The following CSMD1 variants were observed in gnomAD, a reference collection of about 807,000 sequenced individuals.
CSMD1 encodes the protein CUB and sushi domain-containing protein 1.
A neutral mutation model predicts 417.5 loss-of-function variants in CSMD1; 213 were observed. The observed-to-expected ratio is 0.51, with a 90% CI of 0.46 to 0.57. The LOEUF is 0.57. CSMD1 is among the 20% of genes least tolerant of loss of function. The probability of loss-of-function intolerance (pLI) is 0.00; values close to 1 mark genes in which losing one functional copy is unlikely to be tolerated. For synonymous variants in CSMD1, 2,862 were observed against 1,736.8 expected, an observed-to-expected ratio of 1.65 and a Z score of -16.11; for missense variants, 6,923 against 4,529.7, an observed-to-expected ratio of 1.53 and a Z score of -15.17.
chr8:4,358,726 A>C (rs56191260), intron 3 of CSMD1, among the ~76,000 whole-genome samples: 3,751 of 152,284 alleles, frequency 0.025, 82 homozygotes, highest in South Asian at 0.081. Context: ...TCATTAAAAT[A>C]TCTCTCAAGA....
intron 1 of CSMD1, among the ~76,000 whole-genome samples, chr8:4,962,959 G>A (rs910592168): frequency 4.6e-5 from 7 of 152,090 alleles, no homozygotes; most frequent in African/African-American, 7.2e-5. Context: ...ATGGGTTGGC[G>A]CTGGGAAAAG....
intron 5 of CSMD1, among the ~76,000 whole-genome samples, chr8:3,788,035 T>C (rs770664030): frequency 6.6e-5 from 10 of 152,190 alleles, no homozygotes; most frequent in Non-Finnish European, 1.5e-4. Context: ...GCTAGAGTCT[T>C]AACCTCACAC....
chr8:4,695,263 A>G (rs937804596), intron 1 of CSMD1, among the ~76,000 whole-genome samples: 8 of 152,164 alleles, frequency 5.3e-5, no homozygotes, highest in Non-Finnish European at 1.0e-4. Flanking sequence ...AGTTCTACCA[A>G]AACCTCTCTC....
intron 3 of CSMD1, among the ~76,000 whole-genome samples, chr8:4,212,968 C>G (rs1800411412): frequency 6.6e-6 from 1 of 151,980 alleles, no homozygotes; most frequent in Non-Finnish European, 1.5e-5. Flanking sequence ...AGACCTAACA[C>G]CTAGCGTTGG....
intron 3 of CSMD1, among the ~76,000 whole-genome samples, chr8:4,311,918 T>C (rs948507171): frequency 3.3e-5 from 5 of 151,960 alleles, no homozygotes; most frequent in African/African-American, 1.2e-4. Flanking sequence ...ATGACACTTA[T>C]TTACCTGTGT....
At chr8:3,662,461 C>T (rs560890145) in intron 7 of CSMD1, among the ~76,000 whole-genome samples, 2 of 152,250 alleles carry the variant, frequency 1.3e-5, no homozygotes, top group East Asian at 1.9e-4. Context: ...TGGGTTGGTT[C>T]CAAGTCTTGG....
chr8:3,343,166 T>A (rs77642601), intron 23 of CSMD1, 128 bp downstream of exon 23: 4 of 719,258 alleles, frequency 5.6e-6, no homozygotes, highest in East Asian at 5.5e-5. Context: ...GAGTACAGAA[T>A]TAAACTGCAA....
intron 26 of CSMD1, among the ~76,000 whole-genome samples, chr8:3,248,445 T>G (rs951286066): frequency 6.6e-6 from 1 of 150,774 alleles, no homozygotes; most frequent in Non-Finnish European, 1.5e-5. Flanking sequence ...TGGCTGGAAG[T>G]GTGAGACAGA....
chr8:2,963,851 T>C lies in CSMD1; in HGVS notation c.9281-456A>G, dbSNP rs149747841. ...GTTTCCAAAAGACACAGTCGGTCCA[T>C]CTATTTACTGAATATATTTTTTTAG... On this transcript the variant is annotated intron_variant, in intron 59 of 69. Coordinates refer to ENST00000635120, the MANE Select transcript of CSMD1 (RefSeq NM_033225.6). 7.8e-3 allele frequency among the ~76,000 whole-genome samples: 1,182 copies of C among 152,300 alleles called. 11 individuals are homozygous for C. The highest frequency in any genetic ancestry group is 0.027 in the African/African-American group (1,119 of 41,560).
At chr8:3,059,831 A>T (rs1812473774) in intron 49 of CSMD1, among the ~76,000 whole-genome samples, 1 of 152,068 alleles carries the variant, frequency 6.6e-6, no homozygotes, top group Admixed American at 6.6e-5. Flanking sequence ...AGCAAGAGAG[A>T]GAAGTGATTC....
chr8:4,120,734 T>A (rs542550182), intron 3 of CSMD1, among the ~76,000 whole-genome samples: 3 of 152,312 alleles, frequency 2.0e-5, no homozygotes, highest in African/African-American at 7.2e-5. Flanking sequence ...GCAGAGAATG[T>A]CAGGCTCAGA....
chr8:4,852,126 C>G (rs141580704), intron 1 of CSMD1, among the ~76,000 whole-genome samples: 1 of 152,332 alleles, frequency 6.6e-6, no homozygotes, highest in African/African-American at 2.4e-5. Context: ...TTTCTCCCAA[C>G]TGGGAACACC....
rs150932523 is a variant in CSMD1 at position 4,392,101 on chromosome 8, G to C, written c.415+27852C>G. Among the ~76,000 whole-genome samples the C allele has an allele frequency of 1.2e-4, 18 of 152,326 alleles. No individual in the cohort carries two copies. In the East Asian group the frequency reaches 3.5e-3, roughly 29 times the overall value. ...GCAGCTGCATGAGTGTCCAAGGAAAGACCAGCAGAATCTGTACAGCTGAGT... is the reference window on the plus strand; with the variant it reads ...GCAGCTGCATGAGTGTCCAAGGAAACACCAGCAGAATCTGTACAGCTGAGT... On this transcript the variant is annotated intron_variant, in intron 3 of 69. Transcript: ENST00000635120.
rs908144307 is a variant in CSMD1 at position 4,311,535 on chromosome 8, C to T, written c.415+108418G>A. On this transcript the variant is annotated intron_variant, in intron 3 of 69. Coordinates refer to ENST00000635120, the MANE Select transcript of CSMD1 (RefSeq NM_033225.6). ...ATCAGGAGTTCGAGACCAGCCTGACCAATACGGTGAAACCCTGTCTCTACT... is the reference window on the plus strand; with the variant it reads ...ATCAGGAGTTCGAGACCAGCCTGACTAATACGGTGAAACCCTGTCTCTACT... Among the ~76,000 whole-genome samples, 5 of 151,928 alleles carry T rather than the reference C, an allele frequency of 3.3e-5. No homozygotes were observed. The East Asian group carries it at 9.7e-4, about 29-fold the overall frequency.
intron 18 of CSMD1, among the ~76,000 whole-genome samples, chr8:3,372,404 T>C (rs1462300511): frequency 6.6e-6 from 1 of 152,104 alleles, no homozygotes; most frequent in Non-Finnish European, 1.5e-5. Context: ...CACGATCTCA[T>C]GACCTACCTG....
intron 3 of CSMD1, among the ~76,000 whole-genome samples, chr8:4,178,107 G>C (rs1798153862): frequency 6.6e-6 from 1 of 152,086 alleles, no homozygotes; most frequent in Admixed American, 6.5e-5. Context: ...TGATACCAAA[G>C]CCTGGCAGAG....
intron 6 of CSMD1, among the ~76,000 whole-genome samples, chr8:3,733,081 T>G (rs1796347892): frequency 1.3e-5 from 2 of 150,426 alleles, no homozygotes; most frequent in African/African-American, 4.9e-5. Flanking sequence ...TTTATAAAAG[T>G]GACACAAACT....
At chr8:3,644,451 AAG>A (rs966263018) in intron 7 of CSMD1, among the ~76,000 whole-genome samples, 3 of 152,294 alleles carry the variant, frequency 2.0e-5, no homozygotes, top group African/African-American at 7.2e-5. Context: ...GTAGAAAGAA[AAG>A]AGAGCAACTC....
At chr8:3,992,784 A>T (rs1039942628) in intron 5 of CSMD1, among the ~76,000 whole-genome samples, 13 of 152,228 alleles carry the variant, frequency 8.5e-5, no homozygotes, top group Non-Finnish European at 1.9e-4. Flanking sequence ...CAGTACTAAC[A>T]TTAAAAAATT....
Sources: allele counts gnomAD v4.1 joint callset (sites outside exome capture counted in the v4.1 genomes callset), GRCh38; gene constraint gnomAD v4.1.1; transcripts MANE v1.5; gene names NCBI Gene and HGNC (gene_info 2026-07-23, HGNC 2026-07-21).